STK11: variants seen among roughly 807,000 people sequenced by gnomAD.
STK11 encodes the protein serine/threonine kinase 11, also known as serine/threonine-protein kinase STK11.
Under a neutral mutation model 47.3 loss-of-function variants are expected in STK11, and 8 were observed. The ratio of observed to expected loss-of-function variants is 0.17; its 90% CI spans 0.10 to 0.31. STK11 has a LOEUF of 0.31. Among genes scored for constraint, STK11 ranks in the 10% least tolerant of loss-of-function variants. STK11 has a pLI of 1.00. For synonymous variants in STK11, 330 were observed against 255.8 expected (o/e 1.29, Z -2.77); for missense variants, 475 against 605.0 (o/e 0.79, Z 2.25).
At position 1,223,005 on chromosome 19, in the gene STK11, C is replaced by T. The variant is rs1064795752; in HGVS notation, c.941C>T (p.Pro314Leu). 8 of 1,567,564 alleles carry T rather than the reference C, an allele frequency of 5.1e-6. No homozygotes were observed. Among genetic ancestry groups the T allele is most frequent in the Non-Finnish European group, 6.1e-6 (7 of 1,155,450 alleles). Residue 314 changes from proline (P) to leucine (L), a missense_variant, in exon 8 of 10, where the codon CCT becomes CTT. Transcript: ENST00000326873. The part of the protein sequence containing the change: ...RQHSWFRKKH[P>L]PAEAPVPIPP... ...TGCAGCTGGTTCCGGAAGAAACATC[C>T]TCCGGCTGAAGCACCAGTGCCCATC...
At chr19:1,224,772 C>T (rs957454132) in intron 8 of STK11, 2 of 985,592 alleles carry the variant, frequency 2.0e-6, no homozygotes, top group South Asian at 9.4e-5. Context: ...AGGAGGAGTA[C>T]CCAGCAGGGG....
chr19:1,226,575 C>T lies in STK11; in HGVS notation c.1230C>T (p.Ala410=), dbSNP rs864622171. 17 of 1,584,434 alleles carry T rather than the reference C, an allele frequency of 1.1e-5. No homozygotes were observed. Among genetic ancestry groups the T allele is most frequent in the Non-Finnish European group, 1.4e-5 (16 of 1,166,930 alleles). Residue 410 remains alanine (A), a synonymous_variant, in exon 9 of 10, where the codon GCC becomes GCT. Coordinates refer to ENST00000326873, the MANE Select transcript of STK11 (RefSeq NM_000455.5). Reference sequence around the variant, plus strand: ...CCAAATCCAGGGCGGAGGGCCGGGCCCCCAACCCTGCCCGCAAGGCCTGCT... The same window carrying T: ...CCAAATCCAGGGCGGAGGGCCGGGCTCCCAACCCTGCCCGCAAGGCCTGCT... The part of the protein sequence containing the change: ...LSTKSRAEGR[A]PNPARKACSA...
rs757369900 is a variant in STK11 at position 1,226,631 on chromosome 19, C to G, written c.1286C>G (p.Ala429Gly). ...AGCAGCAAGATCCGCCGGCTGTCGG[C>G]CTGCAAGCAGCAGTGAGGCTGGCCG... is the stretch of plus-strand genomic sequence containing the variant. ...SASSKIRRLS[A>G]CKQQ Residue 429 changes from alanine to glycine, a missense_variant, in exon 9 of 10, where the codon GCC (alanine) becomes GGC (glycine). Transcript: ENST00000326873. The G allele has an allele frequency of 7.1e-6, 11 of 1,541,110 alleles. No individual in the cohort carries two copies. In the African/African-American group the frequency reaches 1.4e-4, roughly 19 times the overall value.
At chr19:1,213,407 C>T (rs1027465031) in intron 1 of STK11, among the ~76,000 whole-genome samples, 2 of 152,228 alleles carry the variant, frequency 1.3e-5, no homozygotes, top group South Asian at 2.1e-4. Flanking sequence ...CAGAAGGAAA[C>T]CCCGTCTCTG....
rs774482643 is a variant in STK11, at chr19:1,218,474, G to T, written c.348G>T (p.Val116=). The T allele has an allele frequency of 3.1e-6, 5 of 1,613,552 alleles. No individual in the cohort carries two copies. In the Admixed American group the frequency reaches 8.3e-5, roughly 27 times the overall value. The change falls in exon 2 of 10, where the codon GTG becomes GTT. Residue 116 remains valine, a synonymous_variant. Coordinates refer to ENST00000326873, the MANE Select transcript of STK11 (RefSeq NM_000455.5). ...RHKNVIQLVD[V]LYNEEKQKMY... ...AAAATGTCATCCAGCTGGTGGATGT[G>T]TTATACAACGAAGAGAAGCAGAAAA...
intron 6 of STK11, 32 bp downstream of exon 6, chr19:1,221,372 A>G (rs2145427423): frequency 6.3e-7 from 1 of 1,578,928 alleles, no homozygotes. Flanking sequence ...CCGCAGCCCC[A>G]GGGAGGCGGG....
At chr19:1,227,571 C>T (rs1001674783) in intron 9 of STK11, 22 bp from the exon 10 acceptor site, 2 of 1,063,966 alleles carry the variant, frequency 1.9e-6, no homozygotes, top group African/African-American at 1.6e-5. Flanking sequence ...CTGACCTCTT[C>T]CGTCTTCCTT....
At chr19:1,217,241 T>G (rs564303638) in intron 1 of STK11, among the ~76,000 whole-genome samples, 1 of 152,082 alleles carries the variant, frequency 6.6e-6, no homozygotes, top group African/African-American at 2.4e-5. Flanking sequence ...TGAGACAGGG[T>G]CTTATTCTGT....
At chr19:1,212,503 G>C (rs1179107600) in intron 1 of STK11, among the ~76,000 whole-genome samples, 5 of 151,940 alleles carry the variant, frequency 3.3e-5, no homozygotes, top group Non-Finnish European at 5.9e-5. Flanking sequence ...CCGCCTGCCT[G>C]GGCCTCCCAG....
chr19:1,207,680 C>G (rs191827595), intron 1 of STK11, among the ~76,000 whole-genome samples: 1 of 152,202 alleles, frequency 6.6e-6, no homozygotes, highest in African/African-American at 2.4e-5. Flanking sequence ...AGAGGGGAAC[C>G]CTGGGCTGCC....
intron 9 of STK11, 25 bp from the exon 10 acceptor site, chr19:1,227,568 C>T: frequency 2.8e-6 from 3 of 1,063,948 alleles, no homozygotes; most frequent in Non-Finnish European, 3.4e-6. Context: ...AGGCTGACCT[C>T]TTCCGTCTTC....
rs1555738486 is a variant in STK11, at chr19:1,220,736, CG to C, written c.734+22del. ...TCACCCTGTAAGTGCCCCGCCCCCC[CG>C]GGCACTCACCACACGCACACTCCGA... On this transcript the variant is annotated intron_variant, in intron 5 of 9. Transcript: ENST00000326873. 4 of 1,599,534 alleles carry C rather than the reference CG, an allele frequency of 2.5e-6. No individual in the cohort carries two copies. The East Asian group carries it at 9.0e-5, about 36-fold the overall frequency.
intron 8 of STK11, chr19:1,223,581 C>T (rs960240832): frequency 9.2e-7 from 1 of 1,083,448 alleles, no homozygotes; most frequent in African/African-American, 1.6e-5. Context: ...GGCCCTCCCT[C>T]CCGTCGTCCC....
rs777872290 is a variant in STK11, at chr19:1,221,324, C to G, written c.846C>G (p.Leu282=). 1.9e-5 allele frequency: 31 copies of G among 1,608,846 alleles called. No individual in the cohort carries two copies. Among genetic ancestry groups the G allele is most frequent in the African/African-American group, 4.0e-5 (3 of 74,894 alleles). The part of the protein sequence containing the change: ...YAIPGDCGPP[L]SDLLKGMLEY... ...TCCCGGGCGACTGTGGCCCCCCGCT[C>G]TCTGACCTGCTGAAAGGTGGGAGCC... The change falls in exon 6 of 10, where the codon CTC becomes CTG. Residue 282 remains leucine (L), a synonymous_variant. Transcript: ENST00000326873.
At chr19:1,210,560 C>G (rs1330984161) in intron 1 of STK11, among the ~76,000 whole-genome samples, 2 of 152,174 alleles carry the variant, frequency 1.3e-5, no homozygotes, top group African/African-American at 4.8e-5. Flanking sequence ...TAGGAAAGTT[C>G]CAAAAAGCAT....
At position 1,227,866 on chromosome 19, in the gene STK11, C is replaced by T. The variant is rs937068839; in HGVS notation, c.*290C>T. The T allele has an allele frequency of 9.3e-7, 1 of 1,069,744 alleles. No homozygotes were observed. Among genetic ancestry groups the T allele is most frequent in the Non-Finnish European group, 1.1e-6 (1 of 882,154 alleles). The allele number at this position is 1,069,744 out of a possible 1,614,324, so 66.3% of individuals were successfully genotyped here. ...GGAGGAGGGAGGCGGCCTCCATGCACTTTATGTGGAGACTACTGGCCCCGC... is the reference window on the plus strand; with the variant it reads ...GGAGGAGGGAGGCGGCCTCCATGCATTTTATGTGGAGACTACTGGCCCCGC... On this transcript the variant is annotated 3_prime_UTR_variant, in exon 10 of 10. Coordinates refer to ENST00000326873, the MANE Select transcript of STK11 (RefSeq NM_000455.5).
intron 8 of STK11, 121 bp from the exon 9 acceptor site, chr19:1,226,333 G>A (rs934173895): frequency 4.0e-6 from 6 of 1,495,350 alleles, no homozygotes; most frequent in Middle Eastern, 2.4e-4. Context: ...GGCCTGACCC[G>A]GGGGCGGGCA....
intron 8 of STK11, chr19:1,225,018 C>A: frequency 3.0e-6 from 3 of 983,708 alleles, no homozygotes; most frequent in Non-Finnish European, 3.6e-6. Context: ...CTGCGTGCCT[C>A]CACTTTGGCC....
At chr19:1,211,272 C>G (rs576334268) in intron 1 of STK11, among the ~76,000 whole-genome samples, 2 of 152,186 alleles carry the variant, frequency 1.3e-5, no homozygotes, top group East Asian at 1.9e-4. Flanking sequence ...GAGAGAAGAG[C>G]GAAATTGTGT....
Sources: gnomAD v4.1 joint callset for allele counts (sites outside exome capture counted in the v4.1 genomes callset) on GRCh38, gnomAD v4.1.1 for gene constraint, MANE v1.5 for transcripts, NCBI Gene and HGNC (gene_info 2026-07-23, HGNC 2026-07-21) for gene names.